GOLM2: variants seen among roughly 807,000 people sequenced by gnomAD.
The protein encoded by GOLM2 is protein GOLM2.
GOLM2 carries 26 observed loss-of-function variants against 55.9 expected under a neutral mutation model. The ratio of observed to expected loss-of-function variants is 0.47; its 90% CI spans 0.34 to 0.65. The LOEUF is 0.65. Among genes scored for constraint, GOLM2 ranks in the 30% least tolerant of loss-of-function variants. The pLI, the probability that GOLM2 is intolerant of heterozygous loss-of-function variation, is 0.01. For synonymous variants in GOLM2, 165 were observed against 194.6 expected (o/e 0.85, Z 1.27); for missense variants, 486 against 531.8 (o/e 0.91, Z 0.85).
At chr15:44,311,027 A>G (rs2078871971) in intron 1 of GOLM2, among the ~76,000 whole-genome samples, 1 of 152,250 alleles carries the variant, frequency 6.6e-6, no homozygotes, top group South Asian at 2.1e-4. Context: ...AAACAACAAC[A>G]ACAACAAAAC....
At chr15:44,375,853 G>C (rs955712277) in intron 6 of GOLM2, among the ~76,000 whole-genome samples, 1 of 152,180 alleles carries the variant, frequency 6.6e-6, no homozygotes, top group African/African-American at 2.4e-5. Context: ...ATCTTATAGG[G>C]AGGGTTCATT....
Position 44,289,855 on chromosome 15 carries a change from G to A in GOLM2, c.327+499G>A, listed in dbSNP as rs190599211. ...ACTTTTAAAATCTCTATAGGGTGAT[G>A]TATTGAATAACTAAATAATCAGCTA... On this transcript the variant is annotated intron_variant, in intron 1 of 9. Coordinates refer to ENST00000299957, the MANE Select transcript of GOLM2 (RefSeq NM_138423.4). The surrounding 1 kb of genome is among the most constrained non-coding windows in gnomAD (Gnocchi z 4.8). Among the ~76,000 whole-genome samples the A allele has an allele frequency of 6.6e-5, 10 of 152,334 alleles. No individual in the cohort carries two copies. The highest frequency in any genetic ancestry group is 2.6e-4 in the Admixed American group (4 of 15,300).
At chr15:44,411,253 C>T (rs1457765118) in intron 9 of GOLM2, among the ~76,000 whole-genome samples, 1 of 151,888 alleles carries the variant, frequency 6.6e-6, no homozygotes, top group Non-Finnish European at 1.5e-5. Flanking sequence ...AACTCCTGAG[C>T]TCAAGTGATC....
chr15:44,306,990 TAAAG>T (rs2078841704), intron 1 of GOLM2, among the ~76,000 whole-genome samples: 1 of 152,102 alleles, frequency 6.6e-6, no homozygotes, highest in Admixed American at 6.5e-5. Context: ...ACAGATGTAA[TAAAG>T]AAAATTTTGA....
At position 44,362,552 on chromosome 15, in the gene GOLM2, G is replaced by C. The variant is rs1014834910; in HGVS notation, c.803-17138G>C. ...TCAATGAAATAAAAGAGGATACAAA[G>C]AAATGGAAGAACATTCCATGCTCAT... On this transcript the variant is annotated intron_variant, in intron 6 of 9. Transcript: ENST00000299957. 4.2e-4 allele frequency among the ~76,000 whole-genome samples: 63 copies of C among 151,802 alleles called. 1 individual carries two copies. The East Asian group carries it at 7.1e-3, about 17-fold the overall frequency.
intron 8 of GOLM2, among the ~76,000 whole-genome samples, chr15:44,385,037 C>A (rs1211492038): frequency 6.6e-6 from 1 of 151,726 alleles, no homozygotes; most frequent in African/African-American, 2.4e-5. Flanking sequence ...CTTTTTATGG[C>A]TGGATAATAT....
intron 8 of GOLM2, among the ~76,000 whole-genome samples, chr15:44,399,260 GT>G (rs2079549395): frequency 1.3e-5 from 2 of 152,140 alleles, no homozygotes; most frequent in African/African-American, 4.8e-5. Flanking sequence ...TTAATGCAAA[GT>G]TTGTCTGATC....
At chr15:44,317,862 C>T (rs1025892026) in intron 1 of GOLM2, among the ~76,000 whole-genome samples, 2 of 152,122 alleles carry the variant, frequency 1.3e-5, no homozygotes, top group Non-Finnish European at 2.9e-5. Context: ...CTAGTCACCC[C>T]GATTAGAAAT....
chr15:44,348,809 G>A (rs561766275), intron 6 of GOLM2: 74 of 158,860 alleles, frequency 4.7e-4, no homozygotes, highest in Non-Finnish European at 4.2e-4. Flanking sequence ...GCTGAGGTGG[G>A]AAGATCACTT....
chr15:44,403,225 C>A, intron 9 of GOLM2, 171 bp downstream of exon 9: 2 of 663,732 alleles, frequency 3.0e-6, no homozygotes, highest in Non-Finnish European at 5.2e-6. Flanking sequence ...TCCAATGGTG[C>A]GATCTTGGCT....
At chr15:44,293,375 G>A (rs2078734661) in intron 1 of GOLM2, among the ~76,000 whole-genome samples, 1 of 152,150 alleles carries the variant, frequency 6.6e-6, no homozygotes, top group Middle Eastern at 3.2e-3. Context: ...TATTATGAAA[G>A]TCCGTACTTT....
chr15:44,292,855 C>A (rs1297565714), intron 1 of GOLM2, among the ~76,000 whole-genome samples: 2 of 152,078 alleles, frequency 1.3e-5, no homozygotes, highest in African/African-American at 4.8e-5. Context: ...TGCTCTGTCA[C>A]CCAGGCTGGA....
chr15:44,336,698 C>G (rs989717693), intron 4 of GOLM2, among the ~76,000 whole-genome samples: 15 of 151,918 alleles, frequency 9.9e-5, no homozygotes, highest in Admixed American at 3.9e-4. Context: ...TGGCAGATGA[C>G]GAGGTCAGGA....
intron 8 of GOLM2, among the ~76,000 whole-genome samples, chr15:44,383,486 A>G (rs898079983): frequency 5.3e-5 from 8 of 152,000 alleles, no homozygotes; most frequent in African/African-American, 1.9e-4. Context: ...TTTATAAGGT[A>G]TTTAGAATAT....
intron 1 of GOLM2, among the ~76,000 whole-genome samples, chr15:44,313,078 C>CCA (rs1555421580): frequency 2.2e-5 from 3 of 135,514 alleles, no homozygotes; most frequent in African/African-American, 8.2e-5. Context: ...GACTCCATCT[C>CCA]AAAAAAAAAA....
At chr15:44,315,196 A>C (rs1440096187) in intron 1 of GOLM2, among the ~76,000 whole-genome samples, 1 of 152,230 alleles carries the variant, frequency 6.6e-6, no homozygotes, top group Non-Finnish European at 1.5e-5. Context: ...GTTACAGAAG[A>C]TAGACTTGTC....
chr15:44,315,233 T>C (rs998364647), intron 1 of GOLM2, among the ~76,000 whole-genome samples: 4 of 152,168 alleles, frequency 2.6e-5, no homozygotes, highest in Non-Finnish European at 4.4e-5. Context: ...GTATGAAATA[T>C]AATCAAGAAA....
intron 1 of GOLM2, among the ~76,000 whole-genome samples, chr15:44,292,543 A>C (rs2078728616): frequency 1.3e-5 from 2 of 151,962 alleles, no homozygotes. Context: ...TTTTGTAGAG[A>C]TAGGGTGTTG....
In GOLM2 at chr15:44,289,108, G is replaced by T. The variant is rs901439222; in HGVS notation, c.79G>T (p.Val27Phe). The change falls in exon 1 of 10, where the codon GTC becomes TTC. Residue 27 changes from valine to phenylalanine, a missense_variant. Transcript: ENST00000299957. This position sits in a 1 kb window ranked among gnomAD's most constrained non-coding sequence, Gnocchi z 4.8. ...VLVVLLVVIV[V>F]LAFNYWSISS... is the part of the protein sequence containing the mutation. ...GGTGGTGCTGCTGGTGGTGATCGTC[G>T]TCCTCGCCTTCAACTACTGGAGCAT... The T allele has an allele frequency of 6.2e-7, 1 of 1,614,016 alleles. No homozygotes were observed. Among genetic ancestry groups the T allele is most frequent in the African/African-American group, 1.3e-5 (1 of 74,934 alleles).
Sources: allele counts gnomAD v4.1 joint callset (sites outside exome capture counted in the v4.1 genomes callset), GRCh38; gene constraint gnomAD v4.1.1; non-coding constraint Gnocchi (gnomAD v3.1); transcripts MANE v1.5; gene names NCBI Gene and HGNC (gene_info 2026-07-23, HGNC 2026-07-21).